Variants in UTY observed in about 807,000 individuals in gnomAD.
UTY encodes histone demethylase UTY.
Under a neutral mutation model 32.5 loss-of-function variants are expected in UTY, and 12 were observed. That is an observed-to-expected ratio of 0.37 (90% CI 0.24 to 0.60). The LOEUF (loss-of-function observed/expected upper bound fraction) is 0.60. UTY is among the 20% of genes least tolerant of loss of function. The pLI, the probability that UTY is intolerant of heterozygous loss-of-function variation, is 0.69. For synonymous variants in UTY, 131 were observed against 103.4 expected, an observed-to-expected ratio of 1.27 and a Z score of -1.62; for missense variants, 303 against 299.2, an observed-to-expected ratio of 1.01 and a Z score of -0.09.
chrY:13,349,908 T>G, intron 17 of UTY, among the ~76,000 whole-genome samples: 1 of 33,659 alleles, frequency 3.0e-5, no homozygotes, highest in Non-Finnish European at 7.4e-5. Context: ...CCAATTCCTA[T>G]TTTGAAACTG....
intron 6 of UTY, among the ~76,000 whole-genome samples, chrY:13,405,525 A>G (rs2069779013): frequency 3.1e-5 from 1 of 32,168 alleles, no homozygotes; most frequent in African/African-American, 1.2e-4. Context: ...GCAGACTACA[A>G]TAAGCAATAT....
intron 3 of UTY, among the ~76,000 whole-genome samples, chrY:13,460,168 T>C (rs748717307): frequency 4.6e-4 from 15 of 32,929 alleles, no homozygotes; most frequent in African/African-American, 1.8e-3. Flanking sequence ...ACAGATTAAA[T>C]ACACAAACAT....
chrY:13,421,777 G>A, intron 4 of UTY, among the ~76,000 whole-genome samples: 1 of 33,033 alleles, frequency 3.0e-5, no homozygotes, highest in African/African-American at 1.2e-4. Flanking sequence ...GTGGAGGGTA[G>A]GAGGAGGGAG....
chrY:13,420,305 C>T, intron 4 of UTY, among the ~76,000 whole-genome samples: 1 of 33,371 alleles, frequency 3.0e-5, no homozygotes, highest in African/African-American at 1.2e-4. Flanking sequence ...CATTAAATAG[C>T]TATGGCAATC....
chrY:13,435,699 A>G (rs2074472364), intron 4 of UTY, among the ~76,000 whole-genome samples: 1 of 33,465 alleles, frequency 3.0e-5, no homozygotes, highest in African/African-American at 1.2e-4. Context: ...AAGAGGAGAG[A>G]GAGGACAAGC....
exon 29 of UTY, chrY:13,234,628 G>T: frequency 7.4e-6 from 1 of 134,945 alleles, no homozygotes; most frequent in Non-Finnish European, 1.6e-5. Flanking sequence ...AATAGCCCTG[G>T]ATCAGGAAGC....
At chrY:13,246,394 A>G (rs2053947621), downstream of UTY, among the ~76,000 whole-genome samples, 1 of 33,677 alleles carries the variant, frequency 3.0e-5, no homozygotes, top group African/African-American at 1.2e-4. Flanking sequence ...TATTAGGAGA[A>G]GCTAATTAGA....
At chrY:13,254,646 A>G (rs2054536122) in intron 28 of UTY, among the ~76,000 whole-genome samples, 1 of 33,142 alleles carries the variant, frequency 3.0e-5, no homozygotes, top group African/African-American at 1.2e-4. Flanking sequence ...AACCCCCTCA[A>G]AAGGTCAATA....
At chrY:13,287,367 G>A in intron 27 of UTY, 1 of 358,911 alleles carries the variant, frequency 2.8e-6, no homozygotes, top group Non-Finnish European at 4.0e-6. Flanking sequence ...TGCTCTAGCA[G>A]AGAGAGACTA....
chrY:13,302,507 T>C (rs2058432585), intron 25 of UTY, among the ~76,000 whole-genome samples: 1 of 33,690 alleles, frequency 3.0e-5, no homozygotes, highest in Non-Finnish European at 7.4e-5. Flanking sequence ...AGCATGATCA[T>C]GGCTCACTGC....
Position 13,479,303 on chromosome Y carries a change from A to G in UTY, c.167T>C (p.Phe56Ser). 2.5e-6 allele frequency: 1 copy of G among 398,428 alleles called. No homozygotes were observed. Among genetic ancestry groups the G allele is most frequent in the Non-Finnish European group, 3.5e-6 (1 of 283,387 alleles). The change falls in exon 2 of 30, where the codon TTC (phenylalanine) becomes TCC (serine). Residue 56 changes from phenylalanine (F) to serine (S), a missense_variant. Physicochemically the swap from Phe to Ser is radical, Grantham distance 155. Transcript: ENST00000545955. ...LGGMDSRLFG[F>S]VRLHEDGART... is the part of the protein sequence containing the mutation. ...GGCGCCATCTTCATGAAGCCTCACG[A>G]ACCCGAAGAGACGGCTGTAGAGAGA...
chrY:13,409,302 A>G (rs2070538016), intron 6 of UTY, among the ~76,000 whole-genome samples: 1 of 33,494 alleles, frequency 3.0e-5, no homozygotes, highest in Non-Finnish European at 7.5e-5. Context: ...TTCCACATCA[A>G]CTGCACTTAA....
At chrY:13,313,520 C>G in intron 21 of UTY, among the ~76,000 whole-genome samples, 1 of 33,364 alleles carries the variant, frequency 3.0e-5, no homozygotes, top group Non-Finnish European at 7.4e-5. Flanking sequence ...TACTGAGGCT[C>G]CAGAGGAAGG....
At chrY:13,407,200 G>A in intron 6 of UTY, among the ~76,000 whole-genome samples, 1 of 31,495 alleles carries the variant, frequency 3.2e-5, no homozygotes, top group Non-Finnish European at 7.8e-5. Context: ...TATATACAAA[G>A]TATAACAAAA....
chrY:13,269,552 A>AAAAAC (rs768833349), intron 27 of UTY, among the ~76,000 whole-genome samples: 1,241 of 24,380 alleles, frequency 0.051, no homozygotes, highest in African/African-American at 0.21. Flanking sequence ...TGTGGGCATG[A>AAAAAC]AAAACAAAAC....
rs777236517 is a variant in UTY at position 13,414,744 on chromosome Y, G to A, written c.425C>T (p.Ala142Val). 2 of 387,079 alleles carry A rather than the reference G, an allele frequency of 5.2e-6. No homozygotes were observed. The highest frequency in any genetic ancestry group is 3.6e-6 in the Non-Finnish European group (1 of 277,065). The change falls in exon 5 of 30, where the codon GCA becomes GTA. Residue 142 changes from alanine to valine, a missense_variant. Transcript: ENST00000545955. ...GLGLVYFYYNAFHWAIKAFQD... is the reference protein window; with the variant it reads ...GLGLVYFYYNVFHWAIKAFQD... Reference sequence around the variant, plus strand: ...GTATAAGTCAACTTACCAATGAAATGCATTGTAGTAGAAGTAGACCAAACC... The same window carrying A: ...GTATAAGTCAACTTACCAATGAAATACATTGTAGTAGAAGTAGACCAAACC...
chrY:13,250,949 G>C (rs2054097461), intron 29 of UTY, 68 bp downstream of exon 29: 1 of 334,438 alleles, frequency 3.0e-6, no homozygotes, highest in Non-Finnish European at 4.3e-6. Context: ...ATTTTTATCA[G>C]TTAGCAAAGT....
At chrY:13,237,939 A>G (rs2053865763) in intron 28 of UTY, among the ~76,000 whole-genome samples, 1 of 33,781 alleles carries the variant, frequency 3.0e-5, no homozygotes, top group African/African-American at 1.2e-4. Context: ...GCTGTCCCCA[A>G]GACGTAGTTG....
At chrY:13,335,428 T>A in intron 18 of UTY, 135 bp downstream of exon 18, 1 of 194,275 alleles carries the variant, frequency 5.1e-6, no homozygotes, top group Non-Finnish European at 8.5e-6. Context: ...ACAAAAAAAA[T>A]TGTTGTTTTA....
Sources: gnomAD v4.1 joint callset for allele counts (sites outside exome capture counted in the v4.1 genomes callset) on GRCh38, gnomAD v4.1.1 for gene constraint, MANE v1.5 for transcripts, NCBI Gene and HGNC (gene_info 2026-07-23, HGNC 2026-07-21) for gene names.